Variants in IL34 observed in about 807,000 individuals in gnomAD.
The protein encoded by IL34 is interleukin 34.
IL34 carries 17 observed loss-of-function variants against 25.3 expected under a neutral mutation model. The observed-to-expected ratio is 0.67, with a 90% CI of 0.46 to 1.01. The LOEUF (loss-of-function observed/expected upper bound fraction) is 1.01, where lower values mean the gene tolerates loss of function less well. Among genes scored for constraint, IL34 ranks in the 50% least tolerant of loss-of-function variants. The pLI is 0.00. For synonymous variants in IL34, 174 were observed against 140.9 expected, an observed-to-expected ratio of 1.23 and a Z score of -1.66; for missense variants, 368 against 312.9, an observed-to-expected ratio of 1.18 and a Z score of -1.33.
At chr16:70,647,852 C>T (rs2051978813) in intron 1 of IL34, among the ~76,000 whole-genome samples, 1 of 152,138 alleles carries the variant, frequency 6.6e-6, no homozygotes, top group Non-Finnish European at 1.5e-5. Flanking sequence ...CCCAGCTGGA[C>T]CCAATGTTCT....
intron 3 of IL34, 132 bp downstream of exon 3, chr16:70,656,811 TG>T: frequency 9.7e-7 from 1 of 1,027,622 alleles, no homozygotes; most frequent in Non-Finnish European, 1.5e-6. Context: ...GAGAGCAGGC[TG>T]GCCCTTGGCC....
chr16:70,652,885 A>G (rs1445275338), intron 1 of IL34, among the ~76,000 whole-genome samples: 2 of 152,160 alleles, frequency 1.3e-5, no homozygotes, highest in African/African-American at 2.4e-5. Flanking sequence ...GGCCAACATC[A>G]AGTAGTAATT....
chr16:70,646,031 T>C (rs532174698), upstream of IL34, among the ~76,000 whole-genome samples: 173 of 152,290 alleles, frequency 1.1e-3, no homozygotes, highest in Middle Eastern at 0.01. Flanking sequence ...ACAGCCTGGA[T>C]GACAGAGTCT....
chr16:70,593,891 A>G (rs564114373), intron 1 of IL34, among the ~76,000 whole-genome samples: 1 of 152,226 alleles, frequency 6.6e-6, no homozygotes, highest in African/African-American at 2.4e-5. Flanking sequence ...TGGAAAGACT[A>G]TCCTTTTTCC....
chr16:70,644,348 G>A (rs551903137), upstream of IL34, among the ~76,000 whole-genome samples: 1 of 152,226 alleles, frequency 6.6e-6, no homozygotes, highest in East Asian at 1.9e-4. Context: ...TTACAGGTGT[G>A]AGACACTGCA....
rs1269585033 is a variant in IL34, at chr16:70,622,559, G to A, written c.-400-23989G>A. ...GGTGGAACTGCCATCAATAAATCAA[G>A]CGTGATCAGGGTGAGGAACAGGAAA... On this transcript the variant is annotated intron_variant, in intron 1 of 6. Transcript: ENST00000429149. 2.6e-5 allele frequency among the ~76,000 whole-genome samples: 4 copies of A among 152,174 alleles called. No individual in the cohort carries two copies. The East Asian group carries it at 7.7e-4, about 29-fold the overall frequency.
At chr16:70,616,864 C>T (rs1177158984) in intron 1 of IL34, among the ~76,000 whole-genome samples, 7 of 152,172 alleles carry the variant, frequency 4.6e-5, no homozygotes, top group East Asian at 1.9e-4. Context: ...TGGATGTATA[C>T]GTGCAAGTCA....
chr16:70,627,784 A>T (rs977322613), intron 1 of IL34, among the ~76,000 whole-genome samples: 1 of 152,022 alleles, frequency 6.6e-6, no homozygotes, highest in Non-Finnish European at 1.5e-5. Context: ...TTCTTGTCAC[A>T]GATTGGTTTT....
In IL34 at chr16:70,621,017, C is replaced by T. The variant is rs569483666; in HGVS notation, c.-400-25531C>T. 1.1e-4 allele frequency among the ~76,000 whole-genome samples: 16 copies of T among 151,736 alleles called. No individual in the cohort carries two copies. In the East Asian group the frequency reaches 1.4e-3, roughly 13 times the overall value. ...GAAAAGCAGAGAAGGGGTTGGGGCA[C>T]GGAAATAAGGGATTGAGACACAGAG... On this transcript the variant is annotated intron_variant, in intron 1 of 6. Transcript: ENST00000429149.
At chr16:70,659,122 C>A (rs2052311089) in intron 4 of IL34, among the ~76,000 whole-genome samples, 2 of 152,180 alleles carry the variant, frequency 1.3e-5, no homozygotes, top group Non-Finnish European at 2.9e-5. Flanking sequence ...CCACGGTGCA[C>A]CCCACATGAC....
intron 1 of IL34, among the ~76,000 whole-genome samples, chr16:70,625,780 T>C (rs1399128238): frequency 6.6e-6 from 1 of 151,922 alleles, no homozygotes; most frequent in Non-Finnish European, 1.5e-5. Context: ...AAGGGAGAGA[T>C]TGAAGTGTGA....
intron 1 of IL34, among the ~76,000 whole-genome samples, chr16:70,600,101 G>A (rs2050893670): frequency 6.6e-6 from 1 of 152,084 alleles, no homozygotes; most frequent in South Asian, 2.1e-4. Context: ...TTGATGTCCT[G>A]AGTGTCTGCT....
At chr16:70,632,462 T>C (rs2051541640) in intron 1 of IL34, among the ~76,000 whole-genome samples, 1 of 152,174 alleles carries the variant, frequency 6.6e-6, no homozygotes, top group South Asian at 2.1e-4. Flanking sequence ...GAAGATTCCT[T>C]CAGGTGGGCA....
At chr16:70,599,008 C>G (rs1364929887) in intron 1 of IL34, among the ~76,000 whole-genome samples, 3 of 152,214 alleles carry the variant, frequency 2.0e-5, no homozygotes, top group African/African-American at 7.2e-5. Context: ...GGCATTATCA[C>G]TAACCTTGTA....
At chr16:70,583,928 G>A (rs557232683) in intron 1 of IL34, among the ~76,000 whole-genome samples, 3 of 152,162 alleles carry the variant, frequency 2.0e-5, no homozygotes, top group Non-Finnish European at 2.9e-5. Flanking sequence ...CTGGGATTAC[G>A]AGCGTGAACC....
chr16:70,580,797 T>A (rs980672890), intron 1 of IL34, among the ~76,000 whole-genome samples: 3 of 150,858 alleles, frequency 2.0e-5, no homozygotes, highest in Admixed American at 6.6e-5. Context: ...AAAAAAAAAA[T>A]TAATTGATTT....
At chr16:70,641,535 C>CCCTTCCTT in intron 1 of IL34, among the ~76,000 whole-genome samples, 1 of 140,262 alleles carries the variant, frequency 7.1e-6, no homozygotes, top group Middle Eastern at 3.6e-3. Flanking sequence ...CTCCCTCCCT[C>CCCTTCCTT]CCTTCCTTCC....
At chr16:70,635,023 A>G (rs932897165) in intron 1 of IL34, among the ~76,000 whole-genome samples, 14 of 152,234 alleles carry the variant, frequency 9.2e-5, no homozygotes, top group African/African-American at 2.7e-4. Flanking sequence ...AGAAGTGCCT[A>G]TGATTCATAG....
chr16:70,604,879 A>AG (rs2050977247), intron 1 of IL34, among the ~76,000 whole-genome samples: 1 of 152,096 alleles, frequency 6.6e-6, no homozygotes, highest in South Asian at 2.1e-4. Flanking sequence ...GGATAAAGTC[A>AG]GAGAGCCTGG....
Sources: allele counts gnomAD v4.1 joint callset (sites outside exome capture counted in the v4.1 genomes callset), GRCh38; gene constraint gnomAD v4.1.1; transcripts MANE v1.5; gene names NCBI Gene and HGNC (gene_info 2026-07-23, HGNC 2026-07-21).